Variants in ABCB11 observed in about 807,000 individuals in gnomAD.
ABCB11 encodes the protein bile salt export pump.
In ABCB11, 95 loss-of-function variants were observed where a neutral mutation model predicts 148.0. The observed-to-expected ratio is 0.64, with a 90% CI of 0.54 to 0.76. The LOEUF is 0.76. ABCB11 is among the 30% of genes least tolerant of loss of function. The pLI, the probability that ABCB11 is intolerant of heterozygous loss-of-function variation, is 0.00. For missense variants in ABCB11, 1,523 were observed against 1,617.8 expected, an observed-to-expected ratio of 0.94 and a Z score of 1.01; for synonymous variants, 591 against 555.4, an observed-to-expected ratio of 1.06 and a Z score of -0.90.
intron 18 of ABCB11, among the ~76,000 whole-genome samples, chr2:168,960,520 C>T (rs1214203183): frequency 6.6e-6 from 1 of 151,682 alleles, no homozygotes; most frequent in African/African-American, 2.4e-5. Context: ...TAAACAACAA[C>T]ACTTAGGACA....
At chr2:168,964,084 G>T in intron 18 of ABCB11, 122 bp downstream of exon 18, 2 of 633,094 alleles carry the variant, frequency 3.2e-6, no homozygotes, top group East Asian at 2.8e-5. Context: ...CTGTCTTTTA[G>T]TCTGACTTGA....
intron 10 of ABCB11, among the ~76,000 whole-genome samples, chr2:168,981,455 T>C (rs1694135580): frequency 6.6e-6 from 1 of 152,170 alleles, no homozygotes; most frequent in Admixed American, 6.6e-5. Context: ...GGGATAATGA[T>C]AGCATATATT....
In ABCB11 at chr2:168,946,251, CAACAAA is replaced by C. The variant is rs1692301282; in HGVS notation, c.2344-1296_2344-1291del. 2.0e-5 allele frequency among the ~76,000 whole-genome samples: 3 copies of C among 151,882 alleles called. No individual in the cohort carries two copies. In the South Asian group the frequency reaches 6.2e-4, roughly 32 times the overall value. ...TTAATTTGAGTCATTAAAACAGTGT[CAACAAA>C]TAGTTGTTCAAAGGAGACCATTTAT... On this transcript the variant is annotated intron_variant, in intron 19 of 27. Coordinates refer to ENST00000650372, the MANE Select transcript of ABCB11 (RefSeq NM_003742.4).
intron 10 of ABCB11, among the ~76,000 whole-genome samples, chr2:168,981,876 T>G (rs141962072): frequency 2.6e-5 from 4 of 152,282 alleles, no homozygotes; most frequent in African/African-American, 9.6e-5. Flanking sequence ...AAATGTTATT[T>G]ATAAAAACAG....
At chr2:169,020,831 C>G (rs1267061982) in intron 1 of ABCB11, among the ~76,000 whole-genome samples, 1 of 152,008 alleles carries the variant, frequency 6.6e-6, no homozygotes, top group Non-Finnish European at 1.5e-5. Context: ...GGTCGCACAA[C>G]TCTGTTAATA....
rs1316884862 is a variant in ABCB11, at chr2:169,016,767, C to A, written c.98+11G>T. ...AGAAAAGATGCTGCATTGTTGAAAT[C>A]AGTCACTTACCTTGATTTCTTATCA... On this transcript the variant is annotated intron_variant, in intron 3 of 27. Transcript: ENST00000650372. The A allele has an allele frequency of 6.3e-7, 1 of 1,595,750 alleles. No homozygotes were observed. The highest frequency in any genetic ancestry group is 2.2e-5 in the East Asian group (1 of 44,574).
Position 169,008,599 on chromosome 2 carries a change from G to T in ABCB11, c.389+4673C>A, listed in dbSNP as rs557409164. Among the ~76,000 whole-genome samples the T allele has an allele frequency of 2.0e-5, 3 of 152,254 alleles. No individual in the cohort carries two copies. The South Asian group carries it at 6.2e-4, about 32-fold the overall frequency. Reference sequence around the variant, plus strand: ...GGGATAAGGACCTGGATATCTTTGGGGGTCATTATTCTACCTATGAGAGAT... The same window carrying T: ...GGGATAAGGACCTGGATATCTTTGGTGGTCATTATTCTACCTATGAGAGAT... On this transcript the variant is annotated intron_variant, in intron 5 of 27. Coordinates refer to ENST00000650372, the MANE Select transcript of ABCB11 (RefSeq NM_003742.4).
Position 168,921,854 on chromosome 2 carries a change from T to A in ABCB11, c.*1768A>T, listed in dbSNP as rs886152802. On this transcript the variant is annotated 3_prime_UTR_variant, in exon 28 of 28. Coordinates refer to ENST00000650372, the MANE Select transcript of ABCB11 (RefSeq NM_003742.4). ...GACGGAGTCCTTGACCTCTTTTCTT[T>A]TTCTTTTTCTTTTTTTTTTTTTTTC... Among the ~76,000 whole-genome samples, 1 of 143,250 alleles carries A rather than the reference T, an allele frequency of 7.0e-6. No homozygotes were observed. The highest frequency in any genetic ancestry group is 1.5e-5 in the Non-Finnish European group (1 of 67,664). 94.0% of individuals were successfully genotyped at this position (143,250 alleles called of 152,430 possible).
chr2:169,008,036 T>C (rs555289632), intron 5 of ABCB11, among the ~76,000 whole-genome samples: 6 of 152,322 alleles, frequency 3.9e-5, no homozygotes, highest in Admixed American at 6.5e-5. Context: ...CTGAAGAAGA[T>C]GTGCAAATGG....
In ABCB11 at chr2:168,957,742, G is replaced by C. The variant is rs76769758; in HGVS notation, c.2343+222C>G. Among the ~76,000 whole-genome samples the C allele has an allele frequency of 2.5e-3, 377 of 151,492 alleles. 1 individual carries two copies. Among genetic ancestry groups the C allele is most frequent in the Non-Finnish European group, 4.2e-3 (284 of 67,674 alleles). On this transcript the variant is annotated intron_variant, in intron 19 of 27. Transcript: ENST00000650372. The stretch of plus-strand genomic sequence containing the variant: ...TGACAGTACCATTTTCTTTTTTATA[G>C]GTACAATGACTGTCTGAGTGCCCTG...
At chr2:168,970,849 G>C (rs1693552206) in intron 14 of ABCB11, among the ~76,000 whole-genome samples, 1 of 152,002 alleles carries the variant, frequency 6.6e-6, no homozygotes, top group South Asian at 2.1e-4. Context: ...TATGAGGCAA[G>C]TGCTGCTATT....
chr2:168,989,524 A>G (rs1694441147), intron 9 of ABCB11, among the ~76,000 whole-genome samples: 1 of 152,044 alleles, frequency 6.6e-6, no homozygotes, highest in Non-Finnish European at 1.5e-5. Flanking sequence ...TTTTATTACT[A>G]TAGTAATCAA....
intron 1 of ABCB11, among the ~76,000 whole-genome samples, chr2:169,028,579 C>G (rs1355624764): frequency 6.6e-6 from 1 of 152,108 alleles, no homozygotes; most frequent in Non-Finnish European, 1.5e-5. Flanking sequence ...GGATGGGCAA[C>G]TCGGGAGGAT....
At chr2:169,014,235 A>C in intron 4 of ABCB11, 68 bp downstream of exon 4, 70 of 1,088,668 alleles carry the variant, frequency 6.4e-5, no homozygotes, top group Middle Eastern at 2.0e-4. Context: ...AAGATTTAAC[A>C]CTCCCCTCAT....
At chr2:168,956,406 T>C (rs1409717722) in intron 19 of ABCB11, among the ~76,000 whole-genome samples, 1 of 151,728 alleles carries the variant, frequency 6.6e-6, no homozygotes, top group East Asian at 2.0e-4. Context: ...ATGTTTCCTA[T>C]GTTCTTCCAT....
chr2:168,974,490 G>T (rs1693727183), intron 12 of ABCB11, among the ~76,000 whole-genome samples: 1 of 151,860 alleles, frequency 6.6e-6, no homozygotes, highest in African/African-American at 2.4e-5. Context: ...TGTGGTTTGG[G>T]GTCCTCTGTG....
At chr2:169,006,684 T>C (rs1324209237) in intron 5 of ABCB11, among the ~76,000 whole-genome samples, 4 of 152,124 alleles carry the variant, frequency 2.6e-5, no homozygotes, top group Non-Finnish European at 5.9e-5. Context: ...TAAAAAACTA[T>C]TGAACTCATA....
intron 1 of ABCB11, among the ~76,000 whole-genome samples, chr2:169,025,207 C>G (rs998316382): frequency 7.9e-5 from 12 of 152,030 alleles, no homozygotes; most frequent in Admixed American, 6.6e-5. Context: ...GTGCAAATAC[C>G]TCGTAGTATT....
At position 168,924,730 on chromosome 2, in the gene ABCB11, C is replaced by A; in HGVS notation, c.3692G>T (p.Arg1231Leu). The part of the protein sequence containing the change: ...RGEKQRIAIA[R>L]AIVRDPKILL... ...GATTTTAGGATCTCGTACAATGGCCCGAGCAATAGCAATGCGTTGTTTCTC... is the reference window on the plus strand; with the variant it reads ...GATTTTAGGATCTCGTACAATGGCCAGAGCAATAGCAATGCGTTGTTTCTC... The change falls in exon 27 of 28, where the codon CGG becomes CTG. Residue 1231 changes from arginine to leucine, a missense_variant. Arg to Leu is a moderately radical substitution (Grantham distance 102). Transcript: ENST00000650372. 6.2e-7 allele frequency: 1 copy of A among 1,613,350 alleles called. No individual in the cohort carries two copies. Among genetic ancestry groups the A allele is most frequent in the Non-Finnish European group, 8.5e-7 (1 of 1,179,716 alleles).
Sources: gnomAD v4.1 joint callset for allele counts (sites outside exome capture counted in the v4.1 genomes callset) on GRCh38, gnomAD v4.1.1 for gene constraint, MANE v1.5 for transcripts, NCBI Gene and HGNC (gene_info 2026-07-23, HGNC 2026-07-21) for gene names.